KLHL29: variants seen among roughly 807,000 people sequenced by gnomAD.
KLHL29 encodes the protein kelch like family member 29, also known as kelch-like protein 29.
Under a neutral mutation model 80.4 loss-of-function variants are expected in KLHL29, and 21 were observed. The ratio of observed to expected loss-of-function variants is 0.26; its 90% CI spans 0.19 to 0.38. The LOEUF is 0.38. KLHL29 is among the 10% of genes least tolerant of loss of function. KLHL29 has a pLI of 1.00. For synonymous variants in KLHL29, 511 were observed against 526.8 expected (o/e 0.97, Z 0.41); for missense variants, 867 against 1,223.9 (o/e 0.71, Z 4.35).
At chr2:23,493,548 T>C (rs918526586) in intron 2 of KLHL29, among the ~76,000 whole-genome samples, 1 of 152,134 alleles carries the variant, frequency 6.6e-6, no homozygotes, top group Non-Finnish European at 1.5e-5. Context: ...TAAAAACAGG[T>C]TTTGCAATCA....
chr2:23,404,136 G>A (rs1465308541), intron 1 of KLHL29, among the ~76,000 whole-genome samples: 1 of 152,082 alleles, frequency 6.6e-6, no homozygotes, highest in Non-Finnish European at 1.5e-5. Context: ...AACGAAATGC[G>A]TTTTGCTTCC....
At chr2:23,491,270 TG>T (rs2103448278) in intron 2 of KLHL29, among the ~76,000 whole-genome samples, 1 of 151,826 alleles carries the variant, frequency 6.6e-6, no homozygotes, top group East Asian at 1.9e-4. Context: ...TGCAGGTGGG[TG>T]GGTATGTGAA....
At chr2:23,657,833 C>G (rs1363900380) in intron 5 of KLHL29, among the ~76,000 whole-genome samples, 2 of 152,238 alleles carry the variant, frequency 1.3e-5, no homozygotes, top group African/African-American at 2.4e-5. Flanking sequence ...TTTGCTGAGC[C>G]TTCCGGGCTC....
chr2:23,656,052 C>T (rs1049638071), intron 5 of KLHL29, among the ~76,000 whole-genome samples: 2 of 152,218 alleles, frequency 1.3e-5, no homozygotes, highest in Non-Finnish European at 2.9e-5. Context: ...GTGTTTATAG[C>T]TCTTCACTTC....
chr2:23,402,533 C>T (rs1340979621), intron 1 of KLHL29, among the ~76,000 whole-genome samples: 2 of 152,018 alleles, frequency 1.3e-5, no homozygotes, highest in Non-Finnish European at 2.9e-5. Flanking sequence ...CCCTCTCTCC[C>T]GTGGGTTTGT....
At chr2:23,541,335 G>A (rs1321820449) in intron 2 of KLHL29, among the ~76,000 whole-genome samples, 1 of 152,248 alleles carries the variant, frequency 6.6e-6, no homozygotes, top group African/African-American at 2.4e-5. Context: ...TAGCTATGGA[G>A]AAGGCCAGAG....
At chr2:23,691,202 G>A (rs558529358) in intron 6 of KLHL29, 6 of 198,564 alleles carry the variant, frequency 3.0e-5, no homozygotes, top group South Asian at 2.0e-4. Flanking sequence ...GTCCTGGGGC[G>A]ATCAGAGGAT....
intron 3 of KLHL29, among the ~76,000 whole-genome samples, chr2:23,607,169 C>T (rs1326970153): frequency 6.6e-6 from 1 of 152,176 alleles, no homozygotes; most frequent in Non-Finnish European, 1.5e-5. Flanking sequence ...AATATTTAAA[C>T]CACAGCAGGG....
chr2:23,579,283 G>A lies in KLHL29; in HGVS notation c.285+16802G>A, dbSNP rs1037284010. On this transcript the variant is annotated intron_variant, in intron 3 of 13. Coordinates refer to ENST00000486442, the MANE Select transcript of KLHL29 (RefSeq NM_052920.2). ...TGCGCTAGCTCATACGTGGTATTAT[G>A]GAAACGGGGCTTGAACTCAGACCTT... Among the ~76,000 whole-genome samples, 6 of 152,332 alleles carry A rather than the reference G, an allele frequency of 3.9e-5. No homozygotes were observed. In the East Asian group the frequency reaches 1.2e-3, roughly 29 times the overall value.
chr2:23,427,954 C>T (rs1322351397), intron 1 of KLHL29, among the ~76,000 whole-genome samples: 5 of 152,162 alleles, frequency 3.3e-5, no homozygotes, highest in African/African-American at 1.2e-4. Flanking sequence ...CTGGGCGGCT[C>T]CCGTTTAATA....
chr2:23,573,793 T>G (rs1335759313), intron 3 of KLHL29, among the ~76,000 whole-genome samples: 1 of 152,228 alleles, frequency 6.6e-6, no homozygotes, highest in Admixed American at 6.5e-5. Context: ...TGCATGATGC[T>G]TGGGGACCGT....
At chr2:23,641,939 G>A (rs4665622) in intron 4 of KLHL29, among the ~76,000 whole-genome samples, 14,438 of 152,120 alleles carry the variant, frequency 0.095, 1,688 homozygotes, top group East Asian at 0.46. Context: ...AGCTGAGATC[G>A]CGCCACTACA....
At chr2:23,471,474 C>T (rs1011903430) in intron 1 of KLHL29, among the ~76,000 whole-genome samples, 6 of 152,198 alleles carry the variant, frequency 3.9e-5, no homozygotes, top group African/African-American at 1.4e-4. Context: ...TTTTGAAGCT[C>T]TCCAAGCATT....
At chr2:23,398,593 C>T (rs972169986) in intron 1 of KLHL29, among the ~76,000 whole-genome samples, 11 of 152,246 alleles carry the variant, frequency 7.2e-5, no homozygotes, top group African/African-American at 2.4e-4. Context: ...CTGCTGGGAT[C>T]CCCATACTGT....
At chr2:23,388,291 C>T (rs1666235101) in intron 1 of KLHL29, among the ~76,000 whole-genome samples, 1 of 152,180 alleles carries the variant, frequency 6.6e-6, no homozygotes, top group Non-Finnish European at 1.5e-5. Context: ...AACTGCAGCT[C>T]CTCATATCTA....
In KLHL29 at chr2:23,385,577, CGGA is replaced by C. The variant is rs1048229389; in HGVS notation, c.-344_-342del. The C allele has an allele frequency of 4.8e-4, 82 of 170,758 alleles. No homozygotes were observed. The highest frequency in any genetic ancestry group is 1.0e-3 in the Non-Finnish European group (72 of 71,336). The allele number at this position is 170,758 out of a possible 1,614,324, so 10.6% of individuals were successfully genotyped here. A position where few individuals can be genotyped will look rare whatever the true frequency, so the allele number is the denominator to read the frequency against. Reference sequence around the variant, plus strand: ...CTGGGCTGCCGGGAGGCGGCGGCGGCGGAGGAGGAGGAGGAACGAGGGGAGAAG... The same window carrying C: ...CTGGGCTGCCGGGAGGCGGCGGCGGCGGAGGAGGAGGAACGAGGGGAGAAG... On this transcript the variant is annotated 5_prime_UTR_variant, in exon 1 of 14. Transcript: ENST00000486442.
At chr2:23,697,609 A>G (rs1248135876) in intron 11 of KLHL29, 2 of 152,232 alleles carry the variant, frequency 1.3e-5, no homozygotes, top group African/African-American at 4.8e-5. Flanking sequence ...ATGTTACAGC[A>G]AAGACGGTTG....
chr2:23,494,938 C>T (rs929440149), intron 2 of KLHL29, among the ~76,000 whole-genome samples: 17 of 152,200 alleles, frequency 1.1e-4, no homozygotes, highest in Admixed American at 7.9e-4. Flanking sequence ...CTTTCGTCGC[C>T]GTAAGCCAAT....
intron 1 of KLHL29, among the ~76,000 whole-genome samples, chr2:23,435,462 A>G (rs1294743925): frequency 6.6e-6 from 1 of 152,152 alleles, no homozygotes; most frequent in Non-Finnish European, 1.5e-5. Flanking sequence ...GTCCAGGTGG[A>G]TATGACAGTC....
Sources: allele counts gnomAD v4.1 joint callset (sites outside exome capture counted in the v4.1 genomes callset), GRCh38; gene constraint gnomAD v4.1.1; transcripts MANE v1.5; gene names NCBI Gene and HGNC (gene_info 2026-07-23, HGNC 2026-07-21).